The following EVI5 variants were observed in gnomAD, a reference collection of about 807,000 sequenced individuals.
The protein encoded by EVI5 is ecotropic viral integration site 5 protein homolog.
In EVI5, 73 loss-of-function variants were observed where a neutral mutation model predicts 112.0. That is an observed-to-expected ratio of 0.65 (90% CI 0.54 to 0.79). The LOEUF is 0.79. Among genes scored for constraint, EVI5 ranks in the 30% least tolerant of loss-of-function variants. The probability of loss-of-function intolerance (pLI) is 0.00; values close to 1 mark genes in which losing one functional copy is unlikely to be tolerated. For synonymous variants in EVI5, 305 were observed against 319.9 expected (o/e 0.95, Z 0.50); for missense variants, 900 against 968.8 (o/e 0.93, Z 0.94).
At chr1:92,759,658 G>A (rs1362778935) in intron 1 of EVI5, among the ~76,000 whole-genome samples, 1 of 151,894 alleles carries the variant, frequency 6.6e-6, no homozygotes, top group Admixed American at 6.6e-5. Context: ...TCTACTTTCT[G>A]ACTCTATGAA....
At chr1:92,581,905 G>T (rs1027734491) in intron 18 of EVI5, among the ~76,000 whole-genome samples, 16 of 152,110 alleles carry the variant, frequency 1.1e-4, no homozygotes, top group Non-Finnish European at 2.4e-4. Context: ...GCAACTATTT[G>T]TTGAGCACCT....
intron 2 of EVI5, among the ~76,000 whole-genome samples, chr1:92,718,803 T>C (rs548433748): frequency 1.3e-5 from 2 of 151,598 alleles, no homozygotes; most frequent in South Asian, 2.1e-4. Context: ...TCAAGCAAGA[T>C]TAATAAAGAA....
intron 10 of EVI5, among the ~76,000 whole-genome samples, chr1:92,674,926 C>T (rs921943034): frequency 6.6e-6 from 1 of 152,174 alleles, no homozygotes; most frequent in Non-Finnish European, 1.5e-5. Context: ...TTTCTAAACT[C>T]TTTTTTCCGA....
At chr1:92,778,719 C>T (rs557654740) in intron 1 of EVI5, among the ~76,000 whole-genome samples, 4 of 152,328 alleles carry the variant, frequency 2.6e-5, no homozygotes, top group Non-Finnish European at 5.9e-5. Flanking sequence ...TTAAAAAATA[C>T]TGGTGCTAAT....
intron 18 of EVI5, among the ~76,000 whole-genome samples, chr1:92,586,601 T>TG (rs1672828230): frequency 7.5e-6 from 1 of 134,052 alleles, no homozygotes; most frequent in Non-Finnish European, 1.5e-5. Context: ...TTTTTTTTTT[T>TG]TTGGCTGTGT....
chr1:92,576,743 C>A (rs962792243), intron 18 of EVI5, among the ~76,000 whole-genome samples: 1 of 152,140 alleles, frequency 6.6e-6, no homozygotes, highest in African/African-American at 2.4e-5. Flanking sequence ...CTGTCTATAT[C>A]GCTGGGCAAA....
At chr1:92,699,531 T>C (rs369799704) in intron 5 of EVI5, among the ~76,000 whole-genome samples, 1 of 152,188 alleles carries the variant, frequency 6.6e-6, no homozygotes, top group Non-Finnish European at 1.5e-5. Context: ...CCCACAGCAC[T>C]GGAAGGGGAC....
intron 18 of EVI5, among the ~76,000 whole-genome samples, chr1:92,591,129 G>C (rs1227365652): frequency 6.6e-6 from 1 of 152,176 alleles, no homozygotes; most frequent in Non-Finnish European, 1.5e-5. Flanking sequence ...AACATGGAAA[G>C]GAACAACTGA....
chr1:92,515,745 G>C (rs536291040), intron 19 of EVI5, among the ~76,000 whole-genome samples: 44 of 152,226 alleles, frequency 2.9e-4, no homozygotes, highest in Middle Eastern at 3.4e-3. Flanking sequence ...ACGGTCCTGA[G>C]AATAAAGACA....
chr1:92,720,651 C>A (rs1050716384), intron 2 of EVI5, among the ~76,000 whole-genome samples: 53 of 152,134 alleles, frequency 3.5e-4, no homozygotes, highest in African/African-American at 1.2e-3. Context: ...AAAGCAATGG[C>A]AACAAAAGCC....
At chr1:92,658,018 A>G (rs957146372) in intron 13 of EVI5, among the ~76,000 whole-genome samples, 3 of 152,180 alleles carry the variant, frequency 2.0e-5, no homozygotes, top group African/African-American at 7.2e-5. Context: ...TCCAACAATG[A>G]GGATTACATC....
At chr1:92,647,946 T>C (rs1661277811) in intron 13 of EVI5, among the ~76,000 whole-genome samples, 1 of 151,240 alleles carries the variant, frequency 6.6e-6, no homozygotes, top group African/African-American at 2.4e-5. Context: ...GGTTTCACCA[T>C]GTTGGCCAAG....
chr1:92,521,086 C>T lies in EVI5; in HGVS notation c.2167-7116G>A, dbSNP rs920871197. On this transcript the variant is annotated intron_variant, in intron 19 of 19. Transcript: ENST00000684568. ...AGGTGATCCTCCCACCACAGCCTTC[C>T]GAGTAGCTGGGACTACAGGCGTGGG... Among the ~76,000 whole-genome samples the T allele has an allele frequency of 4.0e-5, 6 of 151,768 alleles. 1 individual carries two copies. Among genetic ancestry groups the T allele is most frequent in the East Asian group, 2.0e-4 (1 of 4,994 alleles).
chr1:92,783,497 A>AAAAG (rs1685150878), intron 1 of EVI5, among the ~76,000 whole-genome samples: 2 of 127,406 alleles, frequency 1.6e-5, no homozygotes, highest in South Asian at 2.9e-4. Flanking sequence ...AAAAAAAAAA[A>AAAAG]AAAAAAAAAA....
chr1:92,509,083 G>A lies in EVI5; in HGVS notation c.*4573C>T, dbSNP rs1349444299. On this transcript the variant is annotated 3_prime_UTR_variant, in exon 20 of 20. Coordinates refer to ENST00000684568, the MANE Select transcript of EVI5 (RefSeq NM_001350197.2). ...CATGAAATGTTCGCTGTCAATGTCT[G>A]GTATGTTAATATACATTAATCAAGC... 2 of 152,016 alleles carry A rather than the reference G, an allele frequency of 1.3e-5. No individual in the cohort carries two copies. The highest frequency in any genetic ancestry group is 2.9e-5 in the Non-Finnish European group (2 of 67,978). The allele number at this position is 152,016 out of a possible 1,614,324, so 9.4% of individuals were successfully genotyped here. A position where few individuals can be genotyped will look rare whatever the true frequency, so the allele number is the denominator to read the frequency against.
chr1:92,770,747 G>A (rs927494195), intron 1 of EVI5, among the ~76,000 whole-genome samples: 5 of 151,590 alleles, frequency 3.3e-5, no homozygotes, highest in South Asian at 4.2e-4. Context: ...CCGAAATCGC[G>A]CCACTGAACT....
intron 13 of EVI5, 99 bp from the exon 14 acceptor site, chr1:92,636,435 G>C: frequency 1.0e-6 from 1 of 960,284 alleles, no homozygotes; most frequent in South Asian, 2.0e-5. Flanking sequence ...TTACATTAAG[G>C]GCAACTAAAT....
intron 1 of EVI5, among the ~76,000 whole-genome samples, chr1:92,758,995 T>G (rs1380348052): frequency 1.3e-5 from 2 of 152,158 alleles, no homozygotes; most frequent in South Asian, 4.1e-4. Flanking sequence ...CCCAACACTT[T>G]GGGAGGCCCA....
At chr1:92,672,004 T>C (rs1218733948) in intron 10 of EVI5, among the ~76,000 whole-genome samples, 1 of 151,902 alleles carries the variant, frequency 6.6e-6, no homozygotes, top group African/African-American at 2.4e-5. Flanking sequence ...AGGGGCCCAC[T>C]ATGTTGCCCA....
Sources: allele counts gnomAD v4.1 joint callset (sites outside exome capture counted in the v4.1 genomes callset), GRCh38; gene constraint gnomAD v4.1.1; transcripts MANE v1.5; gene names NCBI Gene and HGNC (gene_info 2026-07-23, HGNC 2026-07-21).